Variants in TSHR observed in about 807,000 individuals in gnomAD.
TSHR encodes the protein thyrotropin receptor.
TSHR carries 51 observed loss-of-function variants against 64.1 expected under a neutral mutation model. The observed-to-expected ratio is 0.80, with a 90% CI of 0.64 to 1.01. The LOEUF is 1.01. Among genes scored for constraint, TSHR ranks in the 50% least tolerant of loss-of-function variants. The probability of loss-of-function intolerance (pLI) is 0.00; values close to 1 mark genes in which losing one functional copy is unlikely to be tolerated. For missense variants in TSHR, 877 were observed against 942.8 expected, an observed-to-expected ratio of 0.93 and a Z score of 0.91; for synonymous variants, 361 against 361.9, an observed-to-expected ratio of 1.00 and a Z score of 0.03.
intron 7 of TSHR, among the ~76,000 whole-genome samples, chr14:81,101,736 G>A (rs1889593460): frequency 6.6e-6 from 1 of 152,080 alleles, no homozygotes; most frequent in Non-Finnish European, 1.5e-5. Context: ...GCACCATCTA[G>A]ACACACCAAG....
rs1013444841 is a variant in TSHR, at chr14:81,065,562, G to A, written c.243-2692G>A. Among the ~76,000 whole-genome samples the A allele has an allele frequency of 5.3e-5, 8 of 152,226 alleles. No individual in the cohort carries two copies. The East Asian group carries it at 1.5e-3, about 29-fold the overall frequency. On this transcript the variant is annotated intron_variant, in intron 2 of 9. Coordinates refer to ENST00000298171, the MANE Select transcript of TSHR (RefSeq NM_000369.5). ...AGGCTCCACTGAGGCTTCCCCCAGGGAGACTGCTGGATTCTCCAGTCTGGG... is the reference window on the plus strand; with the variant it reads ...AGGCTCCACTGAGGCTTCCCCCAGGAAGACTGCTGGATTCTCCAGTCTGGG...
chr14:80,970,729 T>G (rs955157566), intron 1 of TSHR, among the ~76,000 whole-genome samples: 5 of 152,238 alleles, frequency 3.3e-5, no homozygotes, highest in Non-Finnish European at 7.3e-5. Flanking sequence ...TGGGTTACAC[T>G]GCTGCCAAAA....
intron 1 of TSHR, chr14:81,033,082 C>T: frequency 2.7e-6 from 1 of 363,680 alleles, no homozygotes; most frequent in Admixed American, 3.6e-5. Context: ...AGACTATGGG[C>T]TCATATGCAT....
At chr14:81,135,152 A>C (rs1180718966) in intron 8 of TSHR, among the ~76,000 whole-genome samples, 4 of 152,228 alleles carry the variant, frequency 2.6e-5, no homozygotes, top group Non-Finnish European at 5.9e-5. Flanking sequence ...CAGACATGCA[A>C]AGACTCAGAA....
chr14:81,144,188 G>C lies in TSHR; in HGVS notation c.2130G>C (p.Arg710Ser). The change falls in exon 10 of 10, where the codon AGG (arginine) becomes AGC (serine). Residue 710 changes from arginine to serine, a missense_variant. By Grantham distance (110) the Arg-to-Ser change is moderately radical. Coordinates refer to ENST00000298171, the MANE Select transcript of TSHR (RefSeq NM_000369.5). ...AGGCTCAGGCATACCGGGGGCAGAG[G>C]GTTCCTCCAAAGAACAGCACTGATA... ...KRQAQAYRGQ[R>S]VPPKNSTDIQ... 2.5e-6 allele frequency: 4 copies of C among 1,613,862 alleles called. No individual in the cohort carries two copies. In the East Asian group the frequency reaches 6.7e-5, roughly 27 times the overall value.
chr14:81,114,836 A>G (rs1426970369), intron 8 of TSHR, among the ~76,000 whole-genome samples: 2 of 152,304 alleles, frequency 1.3e-5, no homozygotes, highest in East Asian at 1.9e-4. Context: ...GAGATCTGAG[A>G]ACAGGCAGAC....
At chr14:81,106,595 T>C (rs11159491) in intron 7 of TSHR, among the ~76,000 whole-genome samples, 88,592 of 151,914 alleles carry the variant, frequency 0.58, 26,763 homozygotes, top group South Asian at 0.73. Context: ...ATAGAGAGTG[T>C]ATGGAGGCAA....
At chr14:81,117,659 T>G (rs1257857841) in intron 8 of TSHR, among the ~76,000 whole-genome samples, 14 of 119,718 alleles carry the variant, frequency 1.2e-4, no homozygotes, top group African/African-American at 4.4e-4. Context: ...GAGGGAATCC[T>G]CCCTAACTCA....
intron 1 of TSHR, among the ~76,000 whole-genome samples, chr14:80,975,041 T>C (rs942996710): frequency 1.3e-5 from 2 of 152,228 alleles, no homozygotes; most frequent in African/African-American, 4.8e-5. Context: ...TTACCTTTTG[T>C]ATCTATTAAA....
intron 1 of TSHR, among the ~76,000 whole-genome samples, chr14:80,984,970 G>T (rs1015492692): frequency 6.6e-6 from 1 of 152,112 alleles, no homozygotes; most frequent in Admixed American, 6.5e-5. Flanking sequence ...ATTGCTTTTG[G>T]CCGGGCGCGG....
intron 1 of TSHR, among the ~76,000 whole-genome samples, chr14:81,023,665 G>A (rs982177488): frequency 5.9e-5 from 9 of 152,162 alleles, no homozygotes; most frequent in Admixed American, 3.3e-4. Flanking sequence ...CATAAATGGA[G>A]TCAATCCAGA....
intron 8 of TSHR, among the ~76,000 whole-genome samples, chr14:81,120,953 TTAAAGA>T (rs1165038667): frequency 2.0e-5 from 3 of 151,906 alleles, no homozygotes; most frequent in Non-Finnish European, 2.9e-5. Flanking sequence ...GCAGAAGTTG[TTAAAGA>T]TAAAGGGAAA....
intron 8 of TSHR, among the ~76,000 whole-genome samples, chr14:81,135,064 G>A (rs1365369972): frequency 2.6e-5 from 4 of 152,130 alleles, no homozygotes; most frequent in Admixed American, 1.3e-4. Context: ...TCTGAAGAAA[G>A]GCGATTTGCA....
intron 8 of TSHR, among the ~76,000 whole-genome samples, chr14:81,121,578 G>A (rs1446195636): frequency 6.6e-6 from 1 of 152,118 alleles, no homozygotes; most frequent in African/African-American, 2.4e-5. Flanking sequence ...GAGGTCTGAG[G>A]AATCTTGGGA....
intron 1 of TSHR, chr14:81,049,841 C>T (rs1885344102): frequency 6.6e-6 from 1 of 152,186 alleles, no homozygotes; most frequent in African/African-American, 2.4e-5. Context: ...TCTCTCTCTC[C>T]TGCCGCCATG....
At chr14:81,037,123 C>A (rs1380578149) in intron 1 of TSHR, among the ~76,000 whole-genome samples, 4 of 150,018 alleles carry the variant, frequency 2.7e-5, no homozygotes, top group Non-Finnish European at 5.9e-5. Context: ...GCCCAGGCAA[C>A]AAAGCAAGAC....
chr14:81,075,138 G>A (rs181554298), intron 3 of TSHR, among the ~76,000 whole-genome samples: 15 of 152,260 alleles, frequency 9.9e-5, no homozygotes, highest in African/African-American at 3.6e-4. Context: ...AGTCACAGGC[G>A]ACCAATTGTT....
chr14:81,018,951 G>A (rs1465094825), intron 1 of TSHR, among the ~76,000 whole-genome samples: 1 of 152,132 alleles, frequency 6.6e-6, no homozygotes, highest in Admixed American at 6.6e-5. Flanking sequence ...TGAAGACAAA[G>A]GTCAGGACCC....
chr14:81,000,151 C>T (rs113850939), intron 1 of TSHR, among the ~76,000 whole-genome samples: 20,551 of 151,790 alleles, frequency 0.14, 1,729 homozygotes, highest in East Asian at 0.38. Context: ...AGGCTGGTCT[C>T]GAACTCCTGA....
Sources: gnomAD v4.1 joint callset for allele counts (sites outside exome capture counted in the v4.1 genomes callset) on GRCh38, gnomAD v4.1.1 for gene constraint, MANE v1.5 for transcripts, NCBI Gene and HGNC (gene_info 2026-07-23, HGNC 2026-07-21) for gene names.